IQCE: variants seen among roughly 807,000 people sequenced by gnomAD.
IQCE encodes the protein IQ domain-containing protein E.
IQCE carries 115 observed loss-of-function variants against 96.0 expected under a neutral mutation model. That is an observed-to-expected ratio of 1.20 (90% CI 1.03 to 1.40). The LOEUF (loss-of-function observed/expected upper bound fraction) is 1.40, where lower values mean the gene tolerates loss of function less well. Ranked by LOEUF, IQCE falls within the 40% of genes most tolerant of loss-of-function variation. The pLI is 0.00. For synonymous variants in IQCE, 412 were observed against 371.2 expected (o/e 1.11, Z -1.26); for missense variants, 1,041 against 909.1 (o/e 1.15, Z -1.87).
In IQCE at chr7:2,603,309, G is replaced by A. The variant is rs541195691; in HGVS notation, c.1633-1572G>A. Among the ~76,000 whole-genome samples the A allele has an allele frequency of 5.3e-5, 8 of 152,276 alleles. No homozygotes were observed. In the East Asian group the frequency reaches 7.7e-4, roughly 15 times the overall value. On this transcript the variant is annotated intron_variant, in intron 18 of 21. Transcript: ENST00000402050. ...TTGTGGTTATTCTTGCCAGCCTCCC[G>A]TCAGAATGCAAGCTCTGTCTTTTTG...
intron 12 of IQCE, among the ~76,000 whole-genome samples, chr7:2,586,976 T>C (rs2969054): frequency 0.76 from 115,171 of 152,084 alleles, 43,861 homozygotes; most frequent in African/African-American, 0.8. Context: ...TGTGCAGAGA[T>C]GGGGATGGTG....
intron 3 of IQCE, among the ~76,000 whole-genome samples, chr7:2,569,264 C>G (rs750636452): frequency 6.6e-6 from 1 of 152,134 alleles, no homozygotes; most frequent in African/African-American, 2.4e-5. Context: ...CCACCAACTC[C>G]CCAGTCTCCC....
At chr7:2,571,884 G>A (rs1342767106) in intron 4 of IQCE, among the ~76,000 whole-genome samples, 4 of 152,186 alleles carry the variant, frequency 2.6e-5, no homozygotes, top group Non-Finnish European at 4.4e-5. Context: ...CATGGGAGTG[G>A]TGAGTTGTCT....
At chr7:2,565,645 G>A (rs1202066849) in intron 1 of IQCE, among the ~76,000 whole-genome samples, 1 of 152,108 alleles carries the variant, frequency 6.6e-6, no homozygotes, top group African/African-American at 2.4e-5. Flanking sequence ...TGGCTTTTCT[G>A]ATCCCCCGCT....
chr7:2,573,928 C>A (rs1379501371), intron 6 of IQCE, among the ~76,000 whole-genome samples: 1 of 152,174 alleles, frequency 6.6e-6, no homozygotes, highest in Non-Finnish European at 1.5e-5. Flanking sequence ...CCACTTGTTA[C>A]AACCACAGTC....
chr7:2,582,868 C>T (rs191717148), intron 9 of IQCE, among the ~76,000 whole-genome samples: 113 of 152,280 alleles, frequency 7.4e-4, no homozygotes, highest in African/African-American at 2.6e-3. Context: ...GATGCTTTCT[C>T]GAAACCTGCT....
At chr7:2,581,489 A>G (rs1317678609) in intron 8 of IQCE, among the ~76,000 whole-genome samples, 1 of 152,140 alleles carries the variant, frequency 6.6e-6, no homozygotes, top group East Asian at 1.9e-4. Flanking sequence ...TATAGGCGTG[A>G]GCCACTGCAC....
At chr7:2,582,828 C>G (rs1403525713) in intron 9 of IQCE, among the ~76,000 whole-genome samples, 178 bp downstream of exon 9, 1 of 152,130 alleles carries the variant, frequency 6.6e-6, no homozygotes, top group East Asian at 1.9e-4. Context: ...CCAGATAATT[C>G]CCTTTAACTT....
In IQCE at chr7:2,589,744, C is replaced by G. The variant is rs1031916427; in HGVS notation, c.1045-163C>G. On this transcript the variant is annotated intron_variant, in intron 13 of 21. Transcript: ENST00000402050. ...AGCAGGGATCATGCTCTTCCAGTAG[C>G]TTGTGCCCGGCAGCTTCTCTGGGTA... Among the ~76,000 whole-genome samples, 8 of 152,302 alleles carry G rather than the reference C, an allele frequency of 5.3e-5. No homozygotes were observed. In the East Asian group the frequency reaches 9.7e-4, roughly 18 times the overall value.
intron 16 of IQCE, among the ~76,000 whole-genome samples, chr7:2,597,650 A>G (rs1242936855): frequency 5.9e-5 from 9 of 152,318 alleles, no homozygotes; most frequent in African/African-American, 2.2e-4. Flanking sequence ...TGGAGTCATC[A>G]GTGTTAGAAA....
rs1204663779 is a variant in IQCE at position 2,608,190 on chromosome 7, C to T, written c.1969+963C>T. ...CGGGCCCAGGGAGCCGGCAGCCCCC[C>T]AGTACCACTCCAGTAAGTGTGGGGG... On this transcript the variant is annotated intron_variant, in intron 21 of 21. Coordinates refer to ENST00000402050, the MANE Select transcript of IQCE (RefSeq NM_152558.5). Among the ~76,000 whole-genome samples, 4 of 152,222 alleles carry T rather than the reference C, an allele frequency of 2.6e-5. No individual in the cohort carries two copies. In the East Asian group the frequency reaches 5.8e-4, roughly 22 times the overall value.
chr7:2,566,978 T>C lies in IQCE; in HGVS notation c.37-138T>C, dbSNP rs1583392183. ...AACTGGCTGCTGCCCAGCTGGAGTG[T>C]TCTGAGTGGCCTCAGAGCTGGATTT... On this transcript the variant is annotated intron_variant, in intron 1 of 21. Transcript: ENST00000402050. 7.1e-6 allele frequency: 5 copies of C among 707,982 alleles called. No homozygotes were observed. The Admixed American group carries it at 8.2e-5, about 12-fold the overall frequency. 43.9% of individuals were successfully genotyped at this position (707,982 alleles called of 1,614,324 possible). A position where few individuals can be genotyped will look rare whatever the true frequency, so the allele number is the denominator to read the frequency against.
In IQCE at chr7:2,601,440, GAAA is replaced by G. The variant is rs759821884; in HGVS notation, c.1614_1616del (p.Lys539del). 2 of 1,518,132 alleles carry G rather than the reference GAAA, an allele frequency of 1.3e-6. No individual in the cohort carries two copies. The highest frequency in any genetic ancestry group is 2.9e-5 in the African/African-American group (2 of 70,140). The allele number at this position is 1,518,132 out of a possible 1,614,324, so 94.0% of individuals were successfully genotyped here. A position where few individuals can be genotyped will look rare whatever the true frequency, so the allele number is the denominator to read the frequency against. ...TTTTTTCTTTCTTTTTTTTTTTCCA[GAAA>G]AAAAAGGCTGTTCTGGATGAGGTAA... On this transcript the variant is annotated inframe_deletion and splice_region_variant, in exon 18 of 22. Transcript: ENST00000402050.
At chr7:2,606,145 G>A (rs1784807565) in intron 20 of IQCE, 148 bp downstream of exon 20, 2 of 1,031,280 alleles carry the variant, frequency 1.9e-6, no homozygotes, top group African/African-American at 1.7e-5. Flanking sequence ...TGGAGCCAGA[G>A]TAAAGGCTTC....
intron 1 of IQCE, among the ~76,000 whole-genome samples, chr7:2,560,955 C>CAAA (rs746886884): frequency 3.8e-4 from 22 of 58,638 alleles, no homozygotes; most frequent in East Asian, 1.5e-3. Flanking sequence ...GACTCTGTCT[C>CAAA]AAAAAAAAAA....
At position 2,590,021 on chromosome 7, in the gene IQCE, A is replaced by G. The variant is rs1411553693; in HGVS notation, c.1159A>G (p.Asn387Asp). Residue 387 changes from asparagine (N) to aspartate (D), a missense_variant, in exon 14 of 22, where the codon AAC (asparagine) becomes GAC (aspartate). Asn to Asp is a conservative substitution (Grantham distance 23). Transcript: ENST00000402050. The part of the protein sequence containing the change: ...ALHRQPRGDR[N>D]KDHERLRGAV... Reference sequence around the variant, plus strand: ...GCACAGACAGCCACGAGGGGACCGCAACAAGGACCACGAGCGTCTCCGAGG... The same window carrying G: ...GCACAGACAGCCACGAGGGGACCGCGACAAGGACCACGAGCGTCTCCGAGG... 6.2e-7 allele frequency: 1 copy of G among 1,613,886 alleles called. No homozygotes were observed. Among genetic ancestry groups the G allele is most frequent in the African/African-American group, 1.3e-5 (1 of 75,062 alleles).
chr7:2,604,582 C>T (rs2128471638), intron 18 of IQCE, among the ~76,000 whole-genome samples: 1 of 152,296 alleles, frequency 6.6e-6, no homozygotes, highest in South Asian at 2.1e-4. Flanking sequence ...TGTGAAATAC[C>T]AGCTCCTATT....
chr7:2,583,941 ACCGAGCTGGGCG>A (rs1782892914), intron 10 of IQCE, among the ~76,000 whole-genome samples: 1 of 19,684 alleles, frequency 5.1e-5, no homozygotes, highest in Admixed American at 6.3e-4. Flanking sequence ...CGGGGCGGGC[ACCGAGCTGGGCG>A]GCGGGGCGGA....
At chr7:2,599,613 C>A (rs566467975) in intron 17 of IQCE, among the ~76,000 whole-genome samples, 1 of 151,994 alleles carries the variant, frequency 6.6e-6, no homozygotes, top group East Asian at 1.9e-4. Flanking sequence ...CCTCCGGCCT[C>A]AGCCTCCCAA....
Sources: gnomAD v4.1 joint callset for allele counts (sites outside exome capture counted in the v4.1 genomes callset) on GRCh38, gnomAD v4.1.1 for gene constraint, MANE v1.5 for transcripts, NCBI Gene and HGNC (gene_info 2026-07-23, HGNC 2026-07-21) for gene names.